Variants in PARVA observed in about 807,000 individuals in gnomAD.
The protein encoded by PARVA is alpha-parvin.
Under a neutral mutation model 52.6 loss-of-function variants are expected in PARVA, and 25 were observed. The observed-to-expected ratio is 0.48, with a 90% CI of 0.35 to 0.66. PARVA has a LOEUF of 0.66. Ranked by LOEUF, PARVA falls within the 30% of genes least tolerant of loss-of-function variation. The pLI is 0.01. For missense variants in PARVA, 373 were observed against 450.9 expected (o/e 0.83, Z 1.56); for synonymous variants, 185 against 179.1 (o/e 1.03, Z -0.26).
chr11:12,457,981 G>C (rs936909240), intron 1 of PARVA, among the ~76,000 whole-genome samples: 7 of 152,198 alleles, frequency 4.6e-5, no homozygotes, highest in Non-Finnish European at 1.0e-4. Context: ...CTGAGACTGG[G>C]GTCATGTGTG....
intron 1 of PARVA, among the ~76,000 whole-genome samples, chr11:12,410,970 A>T (rs991973387): frequency 6.6e-6 from 1 of 152,166 alleles, no homozygotes; most frequent in African/African-American, 2.4e-5. Flanking sequence ...TCTCAGCTGT[A>T]AAATGGGGGT....
chr11:12,447,871 G>A lies in PARVA; in HGVS notation c.137-25874G>A, dbSNP rs549315465. 5.3e-5 allele frequency among the ~76,000 whole-genome samples: 8 copies of A among 152,352 alleles called. No individual in the cohort carries two copies. The South Asian group carries it at 1.7e-3, about 32-fold the overall frequency. On this transcript the variant is annotated intron_variant, in intron 1 of 12. Coordinates refer to ENST00000334956, the MANE Select transcript of PARVA (RefSeq NM_018222.5). ...CAGTAGGACCCCTGTTGAGGGCCCTGCCTGATGCTTTGCTGGCTCTTTGAA... is the reference window on the plus strand; with the variant it reads ...CAGTAGGACCCCTGTTGAGGGCCCTACCTGATGCTTTGCTGGCTCTTTGAA...
chr11:12,449,174 TG>T, intron 1 of PARVA, among the ~76,000 whole-genome samples: 1 of 152,096 alleles, frequency 6.6e-6, no homozygotes, highest in East Asian at 1.9e-4. Context: ...TTATATTTTT[TG>T]GAGACAGTCT....
In PARVA at chr11:12,527,845, GCAGA is replaced by G; in HGVS notation, c.1043-1_1045del. The stretch of plus-strand genomic sequence containing the variant: ...ACAATTGGTGTTTTTTGTTTTCTAC[GCAGA>G]CATAGTCAACTGTGACCTGAAATCT... On this transcript the variant is annotated splice_acceptor_variant and splice_polypyrimidine_tract_variant and coding_sequence_variant and intron_variant, in exon 13 of 13. Coordinates refer to ENST00000334956, the MANE Select transcript of PARVA (RefSeq NM_018222.5). LOFTEE classifies it high-confidence loss of function. 1 of 1,605,238 alleles carries G rather than the reference GCAGA, an allele frequency of 6.2e-7. No individual in the cohort carries two copies. Among genetic ancestry groups the G allele is most frequent in the Non-Finnish European group, 8.5e-7 (1 of 1,175,066 alleles).
intron 9 of PARVA, 23 bp downstream of exon 9, chr11:12,513,383 G>A (rs755306440): frequency 1.4e-5 from 23 of 1,603,954 alleles, no homozygotes; most frequent in Admixed American, 1.0e-4. Context: ...TGCCTGGGAT[G>A]GACAGAGGGA....
chr11:12,472,606 G>A (rs865952748), intron 1 of PARVA, among the ~76,000 whole-genome samples: 1 of 152,260 alleles, frequency 6.6e-6, no homozygotes, highest in Middle Eastern at 3.4e-3. Context: ...GTATTGAGGT[G>A]AAAGAACTCT....
Position 12,472,529 on chromosome 11 carries a change from C to T in PARVA, c.137-1216C>T, listed in dbSNP as rs1253807106. On this transcript the variant is annotated intron_variant, in intron 1 of 12. Coordinates refer to ENST00000334956, the MANE Select transcript of PARVA (RefSeq NM_018222.5). ...GCCATGCAAGTTGTGTCTCTTAGGGCGTAGAGAGTGTTTCACTCCCTTTGT... is the reference window on the plus strand; with the variant it reads ...GCCATGCAAGTTGTGTCTCTTAGGGTGTAGAGAGTGTTTCACTCCCTTTGT... Among the ~76,000 whole-genome samples, 6 of 152,246 alleles carry T rather than the reference C, an allele frequency of 3.9e-5. No homozygotes were observed. The East Asian group carries it at 5.8e-4, about 15-fold the overall frequency.
chr11:12,382,634 C>T (rs772424282), intron 1 of PARVA, among the ~76,000 whole-genome samples: 7 of 152,100 alleles, frequency 4.6e-5, no homozygotes, highest in Non-Finnish European at 8.8e-5. Flanking sequence ...CTCAACTAGT[C>T]ATCACTCCTG....
intron 1 of PARVA, among the ~76,000 whole-genome samples, chr11:12,456,341 A>G (rs1940694129): frequency 8.4e-6 from 1 of 119,678 alleles, no homozygotes. Flanking sequence ...AGGGGGAACA[A>G]GTTAAGTAAT....
rs539587054 is a variant in PARVA at position 12,530,985 on chromosome 11, C to T, written c.*3060C>T. Among the ~76,000 whole-genome samples the T allele has an allele frequency of 2.0e-5, 3 of 152,114 alleles. No individual in the cohort carries two copies. The highest frequency in any genetic ancestry group is 2.1e-4 in the South Asian group (1 of 4,826). ...AGAGGCATCCTCATGTGCCTCGAAC[C>T]GAATGTTTTTAAGTCCTCTTTTGGA... On this transcript the variant is annotated 3_prime_UTR_variant, in exon 13 of 13. Transcript: ENST00000334956.
chr11:12,440,549 C>T (rs962850497), intron 1 of PARVA, among the ~76,000 whole-genome samples: 18 of 152,196 alleles, frequency 1.2e-4, no homozygotes, highest in Admixed American at 3.3e-4. Context: ...AGAAGTCCAG[C>T]GGGTTCAACT....
At chr11:12,493,390 C>T (rs1589979181) in intron 4 of PARVA, among the ~76,000 whole-genome samples, 1 of 149,376 alleles carries the variant, frequency 6.7e-6, no homozygotes, top group East Asian at 1.9e-4. Flanking sequence ...TTAACACACA[C>T]ACAATAAGGA....
chr11:12,389,266 C>A (rs530538952), intron 1 of PARVA, among the ~76,000 whole-genome samples: 1 of 152,066 alleles, frequency 6.6e-6, no homozygotes. Context: ...CATAGATGGC[C>A]CTGTATATCA....
intron 7 of PARVA, among the ~76,000 whole-genome samples, chr11:12,510,639 A>G (rs1455920796): frequency 6.6e-6 from 1 of 152,196 alleles, no homozygotes; most frequent in African/African-American, 2.4e-5. Flanking sequence ...GAATCATGGC[A>G]GGAGGCAAAA....
At chr11:12,409,086 A>AGCCTATGAATTTTCCTAAGGAC (rs1939955430) in intron 1 of PARVA, among the ~76,000 whole-genome samples, 1 of 152,222 alleles carries the variant, frequency 6.6e-6, no homozygotes, top group Admixed American at 6.5e-5. Context: ...GGCCACTGGA[A>AGCCTATGAATTTTCCTAAGGAC]GCCTATGAAT....
chr11:12,475,594 G>C (rs1044515147), intron 3 of PARVA, among the ~76,000 whole-genome samples: 7 of 152,204 alleles, frequency 4.6e-5, no homozygotes, highest in African/African-American at 1.4e-4. Context: ...GGAGTATTCA[G>C]AAGTAAAATC....
chr11:12,388,751 A>T (rs1565324237), intron 1 of PARVA, among the ~76,000 whole-genome samples: 1 of 151,642 alleles, frequency 6.6e-6, no homozygotes, highest in African/African-American at 2.4e-5. Context: ...AAGTTTTTTT[A>T]TCTTTTTCAT....
At chr11:12,511,892 G>A (rs1421496331) in intron 8 of PARVA, among the ~76,000 whole-genome samples, 3 of 152,164 alleles carry the variant, frequency 2.0e-5, no homozygotes, top group African/African-American at 4.8e-5. Context: ...ACTTAACTCC[G>A]AGTTTATTAT....
intron 1 of PARVA, among the ~76,000 whole-genome samples, chr11:12,450,516 C>A (rs1397649665): frequency 2.0e-5 from 3 of 152,072 alleles, no homozygotes; most frequent in Non-Finnish European, 4.4e-5. Flanking sequence ...GTGTTGGATG[C>A]CCATGTGTAT....
Sources: gnomAD v4.1 joint callset for allele counts (sites outside exome capture counted in the v4.1 genomes callset) on GRCh38, gnomAD v4.1.1 for gene constraint, MANE v1.5 for transcripts, NCBI Gene and HGNC (gene_info 2026-07-23, HGNC 2026-07-21) for gene names.